TMEM132D: variants seen among roughly 807,000 people sequenced by gnomAD.
The protein encoded by TMEM132D is transmembrane protein 132D.
Under a neutral mutation model 62.3 loss-of-function variants are expected in TMEM132D, and 21 were observed. The observed-to-expected ratio is 0.34, with a 90% CI of 0.24 to 0.49. The LOEUF (loss-of-function observed/expected upper bound fraction) is 0.49, where lower values mean the gene tolerates loss of function less well. Ranked by LOEUF, TMEM132D falls within the 20% of genes least tolerant of loss-of-function variation. The pLI is 0.99. For missense variants in TMEM132D, 1,346 were observed against 1,402.8 expected (o/e 0.96, Z 0.65); for synonymous variants, 621 against 575.6 (o/e 1.08, Z -1.13).
chr12:129,595,400 C>T (rs1878308765), intron 2 of TMEM132D, among the ~76,000 whole-genome samples: 1 of 152,154 alleles, frequency 6.6e-6, no homozygotes, highest in Non-Finnish European at 1.5e-5. Flanking sequence ...CTCAAATGAG[C>T]TAAGAACTGA....
At chr12:129,503,771 G>A (rs1435079196) in intron 3 of TMEM132D, among the ~76,000 whole-genome samples, 1 of 152,110 alleles carries the variant, frequency 6.6e-6, no homozygotes, top group Admixed American at 6.5e-5. Context: ...CAAGCTTAGG[G>A]AACAATTATT....
chr12:129,694,860 T>C (rs1881159465), intron 2 of TMEM132D, among the ~76,000 whole-genome samples: 1 of 151,916 alleles, frequency 6.6e-6, no homozygotes, highest in East Asian at 1.9e-4. Context: ...TACAAAAAAT[T>C]AGCCAGGCAT....
chr12:129,470,492 T>G (rs954749418), intron 3 of TMEM132D, among the ~76,000 whole-genome samples: 2 of 152,194 alleles, frequency 1.3e-5, no homozygotes, highest in Admixed American at 1.3e-4. Flanking sequence ...TGTTTCCTGA[T>G]TTACTTCATC....
At chr12:129,211,881 C>T (rs1879061815) in intron 4 of TMEM132D, 1 of 152,196 alleles carries the variant, frequency 6.6e-6, no homozygotes, top group Non-Finnish European at 1.5e-5. Context: ...TTTCCTGCTG[C>T]CTCTAGGCAG....
intron 1 of TMEM132D, among the ~76,000 whole-genome samples, chr12:129,736,137 T>TC (rs59595861): frequency 0.99 from 151,393 of 152,358 alleles, 75,224 homozygotes; most frequent in Middle Eastern, 1. Flanking sequence ...TTGTTTCCTT[T>TC]TTTTAGGTAA....
intron 2 of TMEM132D, among the ~76,000 whole-genome samples, chr12:129,617,771 T>G (rs1593091175): frequency 6.6e-6 from 1 of 152,276 alleles, no homozygotes; most frequent in East Asian, 1.9e-4. Flanking sequence ...CTGATGCCTC[T>G]TTTCATAAGG....
chr12:129,157,362 C>T (rs561735068), intron 5 of TMEM132D, among the ~76,000 whole-genome samples: 1 of 152,246 alleles, frequency 6.6e-6, no homozygotes, highest in South Asian at 2.1e-4. Context: ...AACTAGAGCA[C>T]ATCCTATTAT....
intron 5 of TMEM132D, among the ~76,000 whole-genome samples, chr12:129,188,801 A>AGAGAGAGAGAG (rs1878300809): frequency 4.3e-5 from 5 of 116,352 alleles, no homozygotes; most frequent in South Asian, 2.8e-4. Flanking sequence ...GAGAGAGAGA[A>AGAGAGAGAGAG]AGAGAGAGAT....
intron 1 of TMEM132D, among the ~76,000 whole-genome samples, chr12:129,718,969 G>T (rs1868701159): frequency 6.6e-6 from 1 of 151,856 alleles, no homozygotes; most frequent in South Asian, 2.1e-4. Context: ...GGGTATGGTG[G>T]CTCATGCCTG....
intron 2 of TMEM132D, among the ~76,000 whole-genome samples, chr12:129,580,660 C>T (rs7971305): frequency 0.32 from 48,214 of 151,638 alleles, 8,493 homozygotes; most frequent in Non-Finnish European, 0.4. Flanking sequence ...GCCGAGATCG[C>T]GCCACTGCAC....
At chr12:129,809,373 A>C (rs918754054) in intron 1 of TMEM132D, among the ~76,000 whole-genome samples, 4 of 152,074 alleles carry the variant, frequency 2.6e-5, no homozygotes, top group African/African-American at 9.7e-5. Context: ...TGGAAACCAA[A>C]ACTGGAATGC....
intron 1 of TMEM132D, among the ~76,000 whole-genome samples, chr12:129,798,002 C>T (rs1871616203): frequency 1.3e-5 from 2 of 152,140 alleles, no homozygotes; most frequent in African/African-American, 4.8e-5. Context: ...TGGTGCCATC[C>T]TCAAAATAGT....
chr12:129,757,197 C>CA (rs1870195300), intron 1 of TMEM132D, among the ~76,000 whole-genome samples: 2 of 152,158 alleles, frequency 1.3e-5, no homozygotes, highest in Middle Eastern at 6.8e-3. Context: ...GTTTTCATAT[C>CA]AAAAAACAGC....
intron 3 of TMEM132D, among the ~76,000 whole-genome samples, chr12:129,513,422 T>A (rs1593045173): frequency 6.6e-6 from 1 of 151,386 alleles, no homozygotes; most frequent in Non-Finnish European, 1.5e-5. Context: ...TGGGGACCAA[T>A]TTTTTTTTAA....
chr12:129,395,382 T>G (rs1014878005), intron 3 of TMEM132D, among the ~76,000 whole-genome samples: 1 of 152,150 alleles, frequency 6.6e-6, no homozygotes, highest in African/African-American at 2.4e-5. Context: ...GCATCCACAA[T>G]TAAATTAGAT....
chr12:129,075,090 TG>T (rs1874209097), intron 8 of TMEM132D, 31 bp from the exon 9 acceptor site: 2 of 1,568,014 alleles, frequency 1.3e-6, no homozygotes, highest in South Asian at 2.3e-5. Context: ...GTTAATCAAA[TG>T]GGCCAAAAAG....
At chr12:129,211,775 A>G (rs1300279010) in intron 4 of TMEM132D, among the ~76,000 whole-genome samples, 2 of 152,206 alleles carry the variant, frequency 1.3e-5, no homozygotes, top group Admixed American at 6.5e-5. Flanking sequence ...TTATCCATAC[A>G]CTTTTTCTCC....
intron 3 of TMEM132D, among the ~76,000 whole-genome samples, chr12:129,363,117 T>C (rs1870301450): frequency 6.6e-6 from 1 of 152,204 alleles, no homozygotes; most frequent in Non-Finnish European, 1.5e-5. Context: ...CTACACTCCA[T>C]CTAAGCAGAA....
At chr12:129,127,873 C>G (rs1876262770) in intron 5 of TMEM132D, among the ~76,000 whole-genome samples, 1 of 152,242 alleles carries the variant, frequency 6.6e-6, no homozygotes, top group African/African-American at 2.4e-5. Context: ...GGCCAGCGGC[C>G]TGCAGACGAG....
Sources: gnomAD v4.1 joint callset for allele counts (sites outside exome capture counted in the v4.1 genomes callset) on GRCh38, gnomAD v4.1.1 for gene constraint, MANE v1.5 for transcripts, NCBI Gene and HGNC (gene_info 2026-07-23, HGNC 2026-07-21) for gene names.